The following PLEKHG4B variants were observed in gnomAD, a reference collection of about 807,000 sequenced individuals.
The protein encoded by PLEKHG4B is pleckstrin homology domain-containing family G member 4B.
PLEKHG4B carries 111 observed loss-of-function variants against 121.3 expected under a neutral mutation model. The observed-to-expected ratio is 0.92, with a 90% CI of 0.78 to 1.07. The LOEUF (loss-of-function observed/expected upper bound fraction) is 1.07. Among genes scored for constraint, PLEKHG4B ranks in the 50% least tolerant of loss-of-function variants. The pLI is 0.00. For synonymous variants in PLEKHG4B, 738 were observed against 725.0 expected, an observed-to-expected ratio of 1.02 and a Z score of -0.29; for missense variants, 1,831 against 1,757.8, an observed-to-expected ratio of 1.04 and a Z score of -0.74.
At chr5:125,316 T>G (rs3866911) in intron 2 of PLEKHG4B, among the ~76,000 whole-genome samples, 28,279 of 152,134 alleles carry the variant, frequency 0.19, 3,609 homozygotes, top group African/African-American at 0.36. Context: ...GTAGTAAAAG[T>G]CTTAAATTCT....
intron 18 of PLEKHG4B, 64 bp downstream of exon 18, chr5:174,162 GCTGGGA>G: frequency 1.6e-6 from 2 of 1,216,004 alleles, no homozygotes; most frequent in Non-Finnish European, 2.2e-6. Flanking sequence ...AGGGGTCGGG[GCTGGGA>G]CTGGGGTGAG....
chr5:146,731 C>T (rs1017409791), intron 6 of PLEKHG4B, among the ~76,000 whole-genome samples: 3 of 141,050 alleles, frequency 2.1e-5, no homozygotes, highest in Non-Finnish European at 4.7e-5. Flanking sequence ...CTCCCTTCCT[C>T]TCCCCTGGCC....
chr5:152,571 T>A (rs1735642315), intron 7 of PLEKHG4B, among the ~76,000 whole-genome samples: 3 of 152,232 alleles, frequency 2.0e-5, no homozygotes, highest in Admixed American at 2.0e-4. Context: ...TTCAATTGCG[T>A]ATACCAGTAT....
chr5:165,499 GACGGGGCGGGGCTCACACTAATGCTC>G, intron 13 of PLEKHG4B, among the ~76,000 whole-genome samples: 3 of 61,582 alleles, frequency 4.9e-5, no homozygotes, highest in Admixed American at 4.6e-4. Flanking sequence ...CTAATGCTCT[GACGGGGCGGGGCTCACACTAATGCTC>G]TGACGGGGCG....
At chr5:127,896 A>T (rs1734666911) in intron 2 of PLEKHG4B, among the ~76,000 whole-genome samples, 3 of 152,236 alleles carry the variant, frequency 2.0e-5, no homozygotes, top group African/African-American at 7.2e-5. Context: ...AATCAAATAA[A>T]TTTAAGAAAT....
In PLEKHG4B at chr5:189,938, A is replaced by T. The variant is rs1433196975; in HGVS notation, c.*7615A>T. The T allele has an allele frequency of 6.6e-6, 1 of 152,268 alleles. No homozygotes were observed. The highest frequency in any genetic ancestry group is 1.5e-5 in the Non-Finnish European group (1 of 68,040). 9.4% of individuals were successfully genotyped at this position (152,268 alleles called of 1,614,324 possible). On this transcript the variant is annotated 3_prime_UTR_variant, in exon 20 of 20. Transcript: ENST00000637938. Reference sequence around the variant, plus strand: ...TTGTATCAATACTGAATTGTTAAAAATTTTAATCATAAAAACCAATGGAAC... The same window carrying T: ...TTGTATCAATACTGAATTGTTAAAATTTTTAATCATAAAAACCAATGGAAC...
Position 140,518 on chromosome 5 carries a change from G to A in PLEKHG4B, c.1279G>A (p.Gly427Arg). ...ERHTPSRTGPGAAGRTLPRRS... is the reference protein window; with the variant it reads ...ERHTPSRTGPRAAGRTLPRRS... ...GCACACACCCAGCCGGACAGGTCCAGGAGCTGCAGGGCGGACTCTTCCCAG... is the reference window on the plus strand; with the variant it reads ...GCACACACCCAGCCGGACAGGTCCAAGAGCTGCAGGGCGGACTCTTCCCAG... The change falls in exon 3 of 20, where the codon GGA (glycine) becomes AGA (arginine). Residue 427 changes from glycine (G) to arginine (R), a missense_variant. Gly to Arg is a moderately radical substitution (Grantham distance 125). Coordinates refer to ENST00000637938, the MANE Select transcript of PLEKHG4B (RefSeq NM_052909.5). 1.9e-6 allele frequency: 3 copies of A among 1,597,390 alleles called. No individual in the cohort carries two copies. Among genetic ancestry groups the A allele is most frequent in the East Asian group, 2.3e-5 (1 of 44,106 alleles).
chr5:166,472 A>ACGCTC, intron 13 of PLEKHG4B, among the ~76,000 whole-genome samples: 1 of 107,186 alleles, frequency 9.3e-6, no homozygotes, highest in Non-Finnish European at 2.0e-5. Flanking sequence ...GCTCACACTA[A>ACGCTC]TGCTCTGACG....
chr5:175,297 A>C (rs1325294470), intron 18 of PLEKHG4B, among the ~76,000 whole-genome samples: 3 of 151,626 alleles, frequency 2.0e-5, no homozygotes, highest in Non-Finnish European at 4.4e-5. Flanking sequence ...CTCCTCCCTC[A>C]ATGTCCACCC....
chr5:131,764 C>T (rs1483610545), intron 2 of PLEKHG4B, among the ~76,000 whole-genome samples: 1 of 152,206 alleles, frequency 6.6e-6, no homozygotes, highest in Non-Finnish European at 1.5e-5. Flanking sequence ...TCCACATCTT[C>T]TCCAGCACCT....
intron 2 of PLEKHG4B, among the ~76,000 whole-genome samples, chr5:126,337 T>G (rs904111397): frequency 6.6e-6 from 1 of 152,242 alleles, no homozygotes. Flanking sequence ...ATTTCAGTTA[T>G]TATACTTTTC....
intron 2 of PLEKHG4B, among the ~76,000 whole-genome samples, chr5:133,913 G>GAC (rs745898348): frequency 0.016 from 2,115 of 135,616 alleles, 67 homozygotes; most frequent in African/African-American, 0.06. Context: ...AAGAAAATGT[G>GAC]ACACACACGC....
rs1483351203 is a variant in PLEKHG4B at position 163,038 on chromosome 5, A to C, written c.2966A>C (p.Lys989Thr). The change falls in exon 13 of 20, where the codon AAG becomes ACG. Residue 989 changes from lysine (K) to threonine (T), a missense_variant. Lys to Thr is a moderately conservative substitution (Grantham distance 78, BLOSUM62 -1). Transcript: ENST00000637938. ...CAGGAGGCCATGAGGAGGCACCAGAAGCCACCCTCATTCCCCAGCACGGAC... is the reference window on the plus strand; with the variant it reads ...CAGGAGGCCATGAGGAGGCACCAGACGCCACCCTCATTCCCCAGCACGGAC... ...RAQEAMRRHQKPPSFPSTDSG... is the reference protein window; with the variant it reads ...RAQEAMRRHQTPPSFPSTDSG... 2.6e-6 allele frequency: 4 copies of C among 1,560,776 alleles called. No individual in the cohort carries two copies. The highest frequency in any genetic ancestry group is 3.5e-6 in the Non-Finnish European group (4 of 1,152,390).
intron 6 of PLEKHG4B, among the ~76,000 whole-genome samples, chr5:147,938 T>C (rs1415144707): frequency 6.6e-6 from 1 of 151,962 alleles, no homozygotes; most frequent in East Asian, 1.9e-4. Context: ...GTTCGACACA[T>C]GAAAACTGAT....
Position 154,359 on chromosome 5 carries a change from A to G in PLEKHG4B, c.1993-516A>G, listed in dbSNP as rs138741933. On this transcript the variant is annotated intron_variant, in intron 7 of 19. Coordinates refer to ENST00000637938, the MANE Select transcript of PLEKHG4B (RefSeq NM_052909.5). ...TACAAAGCCACCTGCTGTCAAAAGGATGCCTGTTTTCTGTTGGAGCTCAGC... is the reference window on the plus strand; with the variant it reads ...TACAAAGCCACCTGCTGTCAAAAGGGTGCCTGTTTTCTGTTGGAGCTCAGC... 2.7e-3 allele frequency among the ~76,000 whole-genome samples: 415 copies of G among 152,058 alleles called. 4 individuals carry two copies. Among genetic ancestry groups the G allele is most frequent in the African/African-American group, 9.4e-3 (392 of 41,484 alleles).
At position 173,925 on chromosome 5, in the gene PLEKHG4B, A is replaced by G. The variant is rs750655560; in HGVS notation, c.4229A>G (p.Glu1410Gly). The change falls in exon 18 of 20, where the codon GAG becomes GGG. Residue 1410 changes from glutamate (E) to glycine (G), a missense_variant. Glu to Gly is a moderately conservative substitution (Grantham distance 98). Transcript: ENST00000637938. ...GGTGTTTGCTGACTGCAGACGGCCG[A>G]GATCGGGATGACAGAGAACGTCGGG... ...YLYKQSFKTA[E>G]IGMTENVGDS... 6.2e-7 allele frequency: 1 copy of G among 1,613,440 alleles called. No homozygotes were observed. The highest frequency in any genetic ancestry group is 1.7e-5 in the Admixed American group (1 of 59,978).
intron 12 of PLEKHG4B, 92 bp from the exon 13 acceptor site, chr5:162,630 G>GA: frequency 1.0e-6 from 1 of 986,064 alleles, no homozygotes. Flanking sequence ...CCTGGTCCCT[G>GA]AATAGGCTGA....
At chr5:98,276 A>G (rs1733686214) in intron 1 of PLEKHG4B, among the ~76,000 whole-genome samples, 1 of 151,840 alleles carries the variant, frequency 6.6e-6, no homozygotes, top group Non-Finnish European at 1.5e-5. Context: ...GTATGTGGTT[A>G]TTCAGTTGTG....
At chr5:147,770 G>A (rs1016477158) in intron 6 of PLEKHG4B, among the ~76,000 whole-genome samples, 2 of 152,178 alleles carry the variant, frequency 1.3e-5, no homozygotes, top group African/African-American at 4.8e-5. Flanking sequence ...ACTAAAGCCA[G>A]CCAAAGACAC....
Sources: allele counts gnomAD v4.1 joint callset (sites outside exome capture counted in the v4.1 genomes callset), GRCh38; gene constraint gnomAD v4.1.1; transcripts MANE v1.5; gene names NCBI Gene and HGNC (gene_info 2026-07-23, HGNC 2026-07-21).